Variants in RIT2 observed in about 807,000 individuals in gnomAD.
RIT2 encodes the protein GTP-binding protein Rit2.
Under a neutral mutation model 23.7 loss-of-function variants are expected in RIT2, and 24 were observed. The ratio of observed to expected loss-of-function variants is 1.01; its 90% CI spans 0.73 to 1.43. The LOEUF (loss-of-function observed/expected upper bound fraction) is 1.43, where lower values mean the gene tolerates loss of function less well. Among genes scored for constraint, RIT2 ranks in the 40% most tolerant of loss-of-function variants. The pLI is 0.00. For missense variants in RIT2, 236 were observed against 266.9 expected, an observed-to-expected ratio of 0.88 and a Z score of 0.81; for synonymous variants, 107 against 91.1, an observed-to-expected ratio of 1.17 and a Z score of -0.99.
intron 1 of RIT2, among the ~76,000 whole-genome samples, chr18:43,042,912 A>T (rs1470735080): frequency 6.6e-6 from 1 of 152,166 alleles, no homozygotes; most frequent in Non-Finnish European, 1.5e-5. Flanking sequence ...ATAAAATTCT[A>T]TGACAATTAG....
intron 1 of RIT2, among the ~76,000 whole-genome samples, chr18:43,045,157 T>G (rs1200805324): frequency 1.3e-5 from 2 of 152,172 alleles, no homozygotes; most frequent in Admixed American, 6.5e-5. Flanking sequence ...GTGCCCTGCA[T>G]ACCTGTGCCA....
intron 2 of RIT2, among the ~76,000 whole-genome samples, chr18:43,017,052 A>G (rs1253588777): frequency 6.6e-6 from 1 of 152,004 alleles, no homozygotes; most frequent in Non-Finnish European, 1.5e-5. Flanking sequence ...AGTTTTACCA[A>G]CTTCTAAATA....
intron 4 of RIT2, among the ~76,000 whole-genome samples, chr18:42,867,788 C>A (rs897070278): frequency 2.0e-5 from 3 of 152,056 alleles, no homozygotes; most frequent in Non-Finnish European, 4.4e-5. Context: ...AGCAACACCC[C>A]AACTCTAAGG....
At chr18:43,015,032 A>C (rs1911440264) in intron 2 of RIT2, among the ~76,000 whole-genome samples, 1 of 151,746 alleles carries the variant, frequency 6.6e-6, no homozygotes, top group Admixed American at 6.6e-5. Flanking sequence ...GTTTTGTATT[A>C]AAACTGTTAA....
rs545699703 is a variant in RIT2, at chr18:42,857,426, G to A, written c.426+66146C>T. 6.6e-5 allele frequency among the ~76,000 whole-genome samples: 10 copies of A among 152,244 alleles called. No homozygotes were observed. In the East Asian group the frequency reaches 1.9e-3, roughly 29 times the overall value. On this transcript the variant is annotated intron_variant, in intron 4 of 4. Coordinates refer to ENST00000326695, the MANE Select transcript of RIT2 (RefSeq NM_002930.4). ...TTGAGTTATTTGTTGGAAGATAAAA[G>A]TTTTAATTACCCTGGTATAATGTTT...
At chr18:42,866,809 T>C (rs1345234786) in intron 4 of RIT2, among the ~76,000 whole-genome samples, 1 of 152,174 alleles carries the variant, frequency 6.6e-6, no homozygotes, top group Non-Finnish European at 1.5e-5. Flanking sequence ...CATATTTAAA[T>C]GGCTCTTTTT....
At chr18:43,005,332 C>T (rs983771445) in intron 2 of RIT2, among the ~76,000 whole-genome samples, 3 of 151,764 alleles carry the variant, frequency 2.0e-5, no homozygotes, top group Admixed American at 1.3e-4. Flanking sequence ...ATTTCTACTT[C>T]TACATATACA....
chr18:42,800,782 C>T (rs1598659341), intron 4 of RIT2, among the ~76,000 whole-genome samples: 1 of 152,026 alleles, frequency 6.6e-6, no homozygotes, highest in Non-Finnish European at 1.5e-5. Flanking sequence ...CCGCCCGCCT[C>T]GGCCTCCCAG....
chr18:42,790,091 T>C (rs1161371802), intron 4 of RIT2, among the ~76,000 whole-genome samples: 1 of 152,260 alleles, frequency 6.6e-6, no homozygotes, highest in African/African-American at 2.4e-5. Flanking sequence ...CATATCATTT[T>C]TGTCCTTAAT....
chr18:43,032,044 C>T (rs1027085556), intron 2 of RIT2, among the ~76,000 whole-genome samples: 2 of 151,930 alleles, frequency 1.3e-5, no homozygotes, highest in African/African-American at 2.4e-5. Flanking sequence ...ATTAGAAAGG[C>T]CACAAAATGA....
At position 42,860,770 on chromosome 18, in the gene RIT2, G is replaced by A. The variant is rs117167504; in HGVS notation, c.426+62802C>T. Among the ~76,000 whole-genome samples, 1,094 of 152,200 alleles carry A rather than the reference G, an allele frequency of 7.2e-3. 6 individuals are homozygous for A. The highest frequency in any genetic ancestry group is 0.011 in the Non-Finnish European group (743 of 68,004). On this transcript the variant is annotated intron_variant, in intron 4 of 4. Coordinates refer to ENST00000326695, the MANE Select transcript of RIT2 (RefSeq NM_002930.4). ...TGCCAGCAGACTAGAGTTAAGGCAG[G>A]GCCTGAAAGAAAGCAGATGATCCAA...
At chr18:43,036,047 A>T (rs535375150) in intron 1 of RIT2, among the ~76,000 whole-genome samples, 1 of 152,338 alleles carries the variant, frequency 6.6e-6, no homozygotes, top group South Asian at 2.1e-4. Context: ...CAATAGAAAG[A>T]ACTGTTATGG....
intron 4 of RIT2, among the ~76,000 whole-genome samples, chr18:42,782,818 T>C (rs1567995096): frequency 6.6e-6 from 1 of 152,014 alleles, no homozygotes; most frequent in Admixed American, 6.6e-5. Context: ...GCTCTAAACA[T>C]GGACAACAAA....
chr18:42,920,770 A>G, intron 4 of RIT2: 1 of 1,583,846 alleles, frequency 6.3e-7, no homozygotes, highest in Non-Finnish European at 8.6e-7. Context: ...GCTGATAAGG[A>G]ATAAGAATTG....
intron 4 of RIT2, among the ~76,000 whole-genome samples, chr18:42,811,694 C>A (rs940378464): frequency 2.0e-5 from 3 of 151,970 alleles, no homozygotes; most frequent in Non-Finnish European, 2.9e-5. Context: ...TCATGTCAAT[C>A]CAAATATTGT....
intron 4 of RIT2, among the ~76,000 whole-genome samples, chr18:42,831,462 T>C (rs919013718): frequency 2.6e-5 from 4 of 152,180 alleles, no homozygotes; most frequent in African/African-American, 9.7e-5. Context: ...CGATTATTTT[T>C]AGTTTAAATC....
intron 4 of RIT2, among the ~76,000 whole-genome samples, chr18:42,880,568 A>AT (rs1454650522): frequency 1.3e-5 from 2 of 151,278 alleles, no homozygotes; most frequent in African/African-American, 4.9e-5. Flanking sequence ...AATTTTTCTC[A>AT]TTTTTTCTGT....
chr18:43,093,635 C>G (rs552485450), intron 1 of RIT2, among the ~76,000 whole-genome samples: 24 of 152,020 alleles, frequency 1.6e-4, no homozygotes, highest in Admixed American at 1.2e-3. Context: ...GAAGGTAATG[C>G]TTTCTTCTGA....
chr18:42,750,419 T>G lies in RIT2; in HGVS notation c.427-6699A>C, dbSNP rs140003984. Among the ~76,000 whole-genome samples, 434 of 151,930 alleles carry G rather than the reference T, an allele frequency of 2.9e-3. 1 individual carries two copies. The highest frequency in any genetic ancestry group is 4.8e-3 in the South Asian group (23 of 4,824). On this transcript the variant is annotated intron_variant, in intron 4 of 4. Transcript: ENST00000326695. ...ATTCATGAAGCTCTATACTTATAAT[T>G]TGTCTGCTTTATATGAAACTGCAAT...
Sources: allele counts gnomAD v4.1 joint callset (sites outside exome capture counted in the v4.1 genomes callset), GRCh38; gene constraint gnomAD v4.1.1; transcripts MANE v1.5; gene names NCBI Gene and HGNC (gene_info 2026-07-23, HGNC 2026-07-21).